FRMD3: variants seen among roughly 807,000 people sequenced by gnomAD.
FRMD3 encodes FERM domain containing 3, also known as FERM domain-containing protein 3.
FRMD3 carries 33 observed loss-of-function variants against 70.2 expected under a neutral mutation model. The ratio of observed to expected loss-of-function variants is 0.47; its 90% CI spans 0.36 to 0.63. The LOEUF (loss-of-function observed/expected upper bound fraction) is 0.63, where lower values mean the gene tolerates loss of function less well. Among genes scored for constraint, FRMD3 ranks in the 20% least tolerant of loss-of-function variants. The probability of loss-of-function intolerance (pLI) is 0.00; values close to 1 mark genes in which losing one functional copy is unlikely to be tolerated. For missense variants in FRMD3, 632 were observed against 711.4 expected, an observed-to-expected ratio of 0.89 and a Z score of 1.27; for synonymous variants, 279 against 255.9, an observed-to-expected ratio of 1.09 and a Z score of -0.86.
At chr9:83,475,889 T>C (rs1252627804) in intron 1 of FRMD3, among the ~76,000 whole-genome samples, 1 of 152,128 alleles carries the variant, frequency 6.6e-6, no homozygotes, top group Non-Finnish European at 1.5e-5. Context: ...CAAGAATACA[T>C]GGAAAAAATG....
At chr9:83,389,304 AT>A (rs1478674730) in intron 2 of FRMD3, among the ~76,000 whole-genome samples, 3 of 152,034 alleles carry the variant, frequency 2.0e-5, no homozygotes, top group Admixed American at 6.6e-5. Flanking sequence ...CCATAGTGAA[AT>A]TTTATGTAGC....
intron 2 of FRMD3, among the ~76,000 whole-genome samples, chr9:83,374,241 C>A (rs969792186): frequency 6.6e-6 from 1 of 151,884 alleles, no homozygotes; most frequent in African/African-American, 2.4e-5. Flanking sequence ...GTGAGCACTC[C>A]CTACTTTCTC....
chr9:83,574,296 A>G, the FRMD3 span, among the ~76,000 whole-genome samples: 45 of 152,336 alleles, frequency 3.0e-4, no homozygotes, highest in Middle Eastern at 3.4e-3. Flanking sequence ...AATGTAACCA[A>G]CTTCTACCCT....
intron 13 of FRMD3, among the ~76,000 whole-genome samples, chr9:83,269,767 T>C (rs1473553511): frequency 6.6e-6 from 1 of 152,168 alleles, no homozygotes; most frequent in Non-Finnish European, 1.5e-5. Flanking sequence ...GTATTATTAT[T>C]ATTTTAACTA....
intron 1 of FRMD3, among the ~76,000 whole-genome samples, chr9:83,480,700 G>A (rs1828548525): frequency 6.6e-6 from 1 of 152,016 alleles, no homozygotes; most frequent in Admixed American, 6.6e-5. Context: ...TCTCCATGTT[G>A]GTCAGGCTGG....
At chr9:83,389,504 G>T in intron 2 of FRMD3, 100 bp downstream of exon 2, 1 of 764,348 alleles carries the variant, frequency 1.3e-6, no homozygotes, top group Non-Finnish European at 2.3e-6. Flanking sequence ...AATAATCTAT[G>T]AGAACAAGGG....
chr9:83,429,024 G>GA (rs1417184785), intron 1 of FRMD3, among the ~76,000 whole-genome samples: 1 of 152,044 alleles, frequency 6.6e-6, no homozygotes, highest in African/African-American at 2.4e-5. Flanking sequence ...GCCTCCTTAG[G>GA]AAAAAATGAA....
chr9:83,385,841 A>G (rs1366010115), intron 2 of FRMD3, among the ~76,000 whole-genome samples: 1 of 151,992 alleles, frequency 6.6e-6, no homozygotes, highest in Non-Finnish European at 1.5e-5. Flanking sequence ...TCCAAGGCCC[A>G]TTTTCCGCCT....
intron 6 of FRMD3, among the ~76,000 whole-genome samples, chr9:83,321,549 A>G (rs939309261): frequency 6.6e-6 from 1 of 152,218 alleles, no homozygotes; most frequent in African/African-American, 2.4e-5. Context: ...GATATTTAAT[A>G]CAATTTCAAT....
At chr9:83,394,119 G>C (rs1401290890) in intron 1 of FRMD3, among the ~76,000 whole-genome samples, 1 of 151,886 alleles carries the variant, frequency 6.6e-6, no homozygotes, top group Non-Finnish European at 1.5e-5. Context: ...AGTGTAAAAG[G>C]GGTTGTGTCC....
the FRMD3 span, among the ~76,000 whole-genome samples, chr9:83,561,415 G>A: frequency 0.65 from 98,945 of 151,982 alleles, 32,388 homozygotes; most frequent in South Asian, 0.7. Context: ...TTTACAGGGC[G>A]GCTGCTATGC....
At chr9:83,405,750 G>A (rs1388023470) in intron 1 of FRMD3, among the ~76,000 whole-genome samples, 3 of 147,542 alleles carry the variant, frequency 2.0e-5, no homozygotes, top group Non-Finnish European at 4.4e-5. Context: ...CAACAAGAGC[G>A]AAACTCAGTC....
intron 8 of FRMD3, among the ~76,000 whole-genome samples, chr9:83,311,266 C>T (rs1348388307): frequency 3.4e-5 from 5 of 147,576 alleles, no homozygotes; most frequent in Admixed American, 6.8e-5. Context: ...AGGACCAATG[C>T]GCCTGACTGA....
chr9:83,252,910 T>C (rs2118570674), intron 13 of FRMD3, among the ~76,000 whole-genome samples: 1 of 152,176 alleles, frequency 6.6e-6, no homozygotes, highest in South Asian at 2.1e-4. Flanking sequence ...AGACTTAGAC[T>C]CTACACAATA....
chr9:83,455,151 T>C (rs891217313), intron 1 of FRMD3, among the ~76,000 whole-genome samples: 7 of 152,218 alleles, frequency 4.6e-5, no homozygotes, highest in African/African-American at 1.7e-4. Context: ...CCCATCCCTC[T>C]TGAATTCCAT....
intron 1 of FRMD3, among the ~76,000 whole-genome samples, chr9:83,513,242 A>C (rs1054740357): frequency 1.3e-5 from 2 of 152,212 alleles, no homozygotes; most frequent in Non-Finnish European, 2.9e-5. Context: ...ACCTCAGTGG[A>C]GTTAGTATTA....
At chr9:83,508,784 G>A (rs1299587140) in intron 1 of FRMD3, among the ~76,000 whole-genome samples, 2 of 152,118 alleles carry the variant, frequency 1.3e-5, no homozygotes, top group African/African-American at 2.4e-5. Flanking sequence ...TGAAAATCAA[G>A]TTTTACAGGC....
chr9:83,578,413 A>G, the FRMD3 span, among the ~76,000 whole-genome samples: 1 of 152,016 alleles, frequency 6.6e-6, no homozygotes, highest in South Asian at 2.1e-4. Flanking sequence ...TGATGAACAT[A>G]GATGGAAAAA....
intron 13 of FRMD3, 94 bp from the exon 14 acceptor site, chr9:83,248,610 T>G (rs1187104412): frequency 7.8e-7 from 1 of 1,278,424 alleles, no homozygotes; most frequent in Admixed American, 2.6e-5. Context: ...ACTAATGGGA[T>G]TCAAGCAATC....
Sources: gnomAD v4.1 joint callset for allele counts (sites outside exome capture counted in the v4.1 genomes callset) on GRCh38, gnomAD v4.1.1 for gene constraint, MANE v1.5 for transcripts, NCBI Gene and HGNC (gene_info 2026-07-23, HGNC 2026-07-21) for gene names.